RHBDL2: variants seen among roughly 807,000 people sequenced by gnomAD.
The protein encoded by RHBDL2 is rhomboid like 2.
In RHBDL2, 26 loss-of-function variants were observed where a neutral mutation model predicts 31.7. The ratio of observed to expected loss-of-function variants is 0.82; its 90% CI spans 0.60 to 1.14. RHBDL2 has a LOEUF of 1.14. Among genes scored for constraint, RHBDL2 ranks in the 50% most tolerant of loss-of-function variants. The probability of loss-of-function intolerance (pLI) is 0.00; values close to 1 mark genes in which losing one functional copy is unlikely to be tolerated. For synonymous variants in RHBDL2, 123 were observed against 127.2 expected (o/e 0.97, Z 0.22); for missense variants, 336 against 364.4 (o/e 0.92, Z 0.63).
intron 1 of RHBDL2, among the ~76,000 whole-genome samples, chr1:38,921,140 G>A (rs541022155): frequency 6.6e-6 from 1 of 152,180 alleles, no homozygotes; most frequent in Non-Finnish European, 1.5e-5. Context: ...CGGGCGTGGT[G>A]GCTCACGCCT....
intron 1 of RHBDL2, among the ~76,000 whole-genome samples, chr1:38,929,872 G>C (rs1199034819): frequency 6.6e-6 from 1 of 152,226 alleles, no homozygotes; most frequent in Non-Finnish European, 1.5e-5. Context: ...CAGAAATTAA[G>C]AACTGGCTTT....
At chr1:38,910,753 C>CTTTTTT (rs765064879) in intron 4 of RHBDL2, among the ~76,000 whole-genome samples, 41 of 111,006 alleles carry the variant, frequency 3.7e-4, no homozygotes, top group Non-Finnish European at 3.9e-4. Context: ...TATTCCTTTT[C>CTTTTTT]TTTTTTTTTT....
chr1:38,896,421 CA>C (rs1012966480), intron 4 of RHBDL2, among the ~76,000 whole-genome samples: 1 of 152,142 alleles, frequency 6.6e-6, no homozygotes, highest in African/African-American at 2.4e-5. Context: ...AATGGATTGT[CA>C]GGGTAAATAA....
At chr1:38,900,624 A>G (rs965142988) in intron 4 of RHBDL2, among the ~76,000 whole-genome samples, 1 of 152,232 alleles carries the variant, frequency 6.6e-6, no homozygotes, top group East Asian at 1.9e-4. Flanking sequence ...CTGTCTAAAA[A>G]AAGAAAAAAA....
chr1:38,888,003 G>A lies in RHBDL2; in HGVS notation c.692C>T (p.Ala231Val). The A allele has an allele frequency of 6.2e-7, 1 of 1,612,710 alleles. No homozygotes were observed. Among genetic ancestry groups the A allele is most frequent in the Non-Finnish European group, 8.5e-7 (1 of 1,178,864 alleles). ...ILIIVLDMGF[A>V]LYRRFFVPED... ...AGGAACAAAGAACCTTCTATAGAGAGCAAATCCCATGTCCAACACAACTAG... is the reference window on the plus strand; with the variant it reads ...AGGAACAAAGAACCTTCTATAGAGAACAAATCCCATGTCCAACACAACTAG... Residue 231 changes from alanine to valine, a missense_variant, in exon 7 of 8, where the codon GCT (alanine) becomes GTT (valine). Transcript: ENST00000372990.
rs1642947489 is a variant in RHBDL2 at position 38,898,553 on chromosome 1, A to T, written c.509-2484T>A. On this transcript the variant is annotated intron_variant, in intron 4 of 7. Transcript: ENST00000372990. The stretch of plus-strand genomic sequence containing the variant: ...ATACTAGACATCAGAAAACAAAACC[A>T]GTAAACCCTTAGAGACAGGGAATCA... Among the ~76,000 whole-genome samples, 3 of 152,362 alleles carry T rather than the reference A, an allele frequency of 2.0e-5. 1 individual carries two copies. Among genetic ancestry groups the T allele is most frequent in the South Asian group, 4.1e-4 (2 of 4,828 alleles).
At chr1:38,897,524 G>A (rs1178700452) in intron 4 of RHBDL2, among the ~76,000 whole-genome samples, 1 of 151,970 alleles carries the variant, frequency 6.6e-6, no homozygotes, top group Non-Finnish European at 1.5e-5. Flanking sequence ...GACCAACCCG[G>A]GCCACAGAGT....
intron 2 of RHBDL2, among the ~76,000 whole-genome samples, chr1:38,917,017 C>CTTTTT (rs547654933): frequency 8.3e-6 from 1 of 119,898 alleles, no homozygotes; most frequent in Non-Finnish European, 1.7e-5. Flanking sequence ...CAGGAACTTT[C>CTTTTT]TTTTTTTTTT....
intron 1 of RHBDL2, among the ~76,000 whole-genome samples, chr1:38,925,019 G>A (rs960209404): frequency 6.6e-6 from 1 of 151,580 alleles, no homozygotes. Context: ...GACCTCAAGT[G>A]ATCCATCCAC....
At chr1:38,941,365 C>T (rs929438598) in intron 1 of RHBDL2, among the ~76,000 whole-genome samples, 3 of 152,064 alleles carry the variant, frequency 2.0e-5, no homozygotes, top group Non-Finnish European at 2.9e-5. Context: ...AACGTGATGG[C>T]TGGAGGGAAA....
chr1:38,895,537 C>T (rs1295591110), intron 5 of RHBDL2, among the ~76,000 whole-genome samples: 1 of 152,178 alleles, frequency 6.6e-6, no homozygotes, highest in East Asian at 1.9e-4. Flanking sequence ...GGTGCGGCAG[C>T]TCACGCCTGT....
chr1:38,910,741 T>G (rs940605154), intron 4 of RHBDL2, among the ~76,000 whole-genome samples: 1 of 149,134 alleles, frequency 6.7e-6, no homozygotes, highest in African/African-American at 2.5e-5. Flanking sequence ...TGCAGTTTTC[T>G]TTATTCCTTT....
chr1:38,925,109 A>C (rs1305771492), intron 1 of RHBDL2, among the ~76,000 whole-genome samples: 1 of 152,100 alleles, frequency 6.6e-6, no homozygotes, highest in Non-Finnish European at 1.5e-5. Context: ...AGAGATTTAC[A>C]TAGGAGACTC....
At chr1:38,934,743 G>T (rs1301254594) in intron 1 of RHBDL2, among the ~76,000 whole-genome samples, 1 of 150,806 alleles carries the variant, frequency 6.6e-6, no homozygotes, top group Non-Finnish European at 1.5e-5. Context: ...AGATCACGAG[G>T]TCAAGAGTTT....
chr1:38,886,320 C>T lies in RHBDL2; in HGVS notation c.*184G>A, dbSNP rs1642783802. 2.6e-6 allele frequency: 1 copy of T among 387,808 alleles called. No homozygotes were observed. Among genetic ancestry groups the T allele is most frequent in the Non-Finnish European group, 4.5e-6 (1 of 221,234 alleles). 24.0% of individuals were successfully genotyped at this position (387,808 alleles called of 1,614,324 possible). On this transcript the variant is annotated 3_prime_UTR_variant, in exon 8 of 8. Coordinates refer to ENST00000372990, the MANE Select transcript of RHBDL2 (RefSeq NM_017821.5). ...CTTCCCTTTCTACATTAAGAAGCCC[C>T]TTCCTTAAATCCTAAGGTCCTTTTA...
intron 1 of RHBDL2, among the ~76,000 whole-genome samples, chr1:38,940,876 G>A (rs1643552867): frequency 6.6e-6 from 1 of 152,074 alleles, no homozygotes; most frequent in African/African-American, 2.4e-5. Context: ...GCCTGGGCAA[G>A]GTAGCAAGAC....
chr1:38,911,478 A>T, intron 3 of RHBDL2, 44 bp from the exon 4 acceptor site: 1 of 1,314,214 alleles, frequency 7.6e-7, no homozygotes, highest in Admixed American at 1.7e-5. Flanking sequence ...GACTAAACCA[A>T]GCAGTTATTT....
chr1:38,896,536 T>C (rs1017235986), intron 4 of RHBDL2, among the ~76,000 whole-genome samples: 2 of 152,216 alleles, frequency 1.3e-5, no homozygotes, highest in African/African-American at 4.8e-5. Flanking sequence ...CCATTACTTT[T>C]AAGGGCAAAA....
chr1:38,887,887 G>T, intron 7 of RHBDL2, 76 bp downstream of exon 7: 1 of 1,057,460 alleles, frequency 9.5e-7, no homozygotes, highest in Non-Finnish European at 1.4e-6. Context: ...AAATCACAGC[G>T]TTGTAACCCC....
Sources: allele counts gnomAD v4.1 joint callset (sites outside exome capture counted in the v4.1 genomes callset), GRCh38; gene constraint gnomAD v4.1.1; transcripts MANE v1.5; gene names NCBI Gene and HGNC (gene_info 2026-07-23, HGNC 2026-07-21).